Variants in TENM4 observed in about 807,000 individuals in gnomAD.
The protein encoded by TENM4 is teneurin transmembrane protein 4, also known as teneurin-4.
TENM4 carries 82 observed loss-of-function variants against 243.3 expected under a neutral mutation model. The ratio of observed to expected loss-of-function variants is 0.34; its 90% CI spans 0.28 to 0.40. TENM4 has a LOEUF of 0.40. Among genes scored for constraint, TENM4 ranks in the 10% least tolerant of loss-of-function variants. The probability of loss-of-function intolerance (pLI) is 1.00; values close to 1 mark genes in which losing one functional copy is unlikely to be tolerated. For synonymous variants in TENM4, 1,412 were observed against 1,456.3 expected, an observed-to-expected ratio of 0.97 and a Z score of 0.69; for missense variants, 3,138 against 3,673.3, an observed-to-expected ratio of 0.85 and a Z score of 3.77.
intron 1 of TENM4, among the ~76,000 whole-genome samples, chr11:79,383,098 G>A (rs779440504): frequency 1.3e-5 from 2 of 152,140 alleles, no homozygotes. Context: ...GTGCCCAGGA[G>A]GCTGGTCAAG....
chr11:79,374,084 A>G (rs1295650271), intron 1 of TENM4, among the ~76,000 whole-genome samples: 1 of 152,156 alleles, frequency 6.6e-6, no homozygotes, highest in East Asian at 1.9e-4. Flanking sequence ...AGAGGACATG[A>G]CAATTTTCAT....
At chr11:79,004,674 C>T (rs190238052) in intron 6 of TENM4, among the ~76,000 whole-genome samples, 141 of 152,122 alleles carry the variant, frequency 9.3e-4, no homozygotes, top group African/African-American at 3.2e-3. Flanking sequence ...AACAACCGAA[C>T]ATCACACCTA....
At chr11:78,905,861 A>G (rs1437252622) in intron 6 of TENM4, among the ~76,000 whole-genome samples, 2 of 152,258 alleles carry the variant, frequency 1.3e-5, no homozygotes, top group Non-Finnish European at 2.9e-5. Flanking sequence ...GAGAATGTGC[A>G]GGGTCATTTG....
intron 1 of TENM4, among the ~76,000 whole-genome samples, chr11:79,379,589 T>G (rs376133476): frequency 3.9e-5 from 6 of 152,316 alleles, no homozygotes; most frequent in African/African-American, 1.4e-4. Context: ...TACAAAGCAC[T>G]GAGCATCCAC....
chr11:79,155,207 C>CTG (rs1345455614), intron 3 of TENM4, among the ~76,000 whole-genome samples: 1 of 152,164 alleles, frequency 6.6e-6, no homozygotes, highest in Non-Finnish European at 1.5e-5. Flanking sequence ...TCCGGAGTAT[C>CTG]TGGGCCAATG....
intron 7 of TENM4, among the ~76,000 whole-genome samples, chr11:78,900,028 T>C (rs1402128040): frequency 6.6e-6 from 1 of 152,206 alleles, no homozygotes; most frequent in Non-Finnish European, 1.5e-5. Flanking sequence ...ATTATGTTAG[T>C]GAAGTCATCT....
intron 9 of TENM4, among the ~76,000 whole-genome samples, chr11:78,871,121 G>A (rs982253590): frequency 3.9e-5 from 6 of 152,146 alleles, no homozygotes; most frequent in Non-Finnish European, 5.9e-5. Context: ...AAGAGCAGTG[G>A]CTGTGAGCAC....
chr11:79,014,136 TA>T (rs1858715536), intron 6 of TENM4, among the ~76,000 whole-genome samples: 2 of 145,684 alleles, frequency 1.4e-5, no homozygotes, highest in African/African-American at 5.7e-5. Flanking sequence ...AAAGAATAGA[TA>T]ACAAAAGAAG....
chr11:79,178,780 C>G (rs78662597), intron 3 of TENM4, among the ~76,000 whole-genome samples: 2,926 of 152,308 alleles, frequency 0.019, 44 homozygotes, highest in Non-Finnish European at 0.032. Context: ...GTCACAGTAT[C>G]TGGCACACAG....
rs1175855249 is a variant in TENM4 at position 79,405,499 on chromosome 11, A to AT, written c.-321+35009dup. ...GAATGTAAAAAAAAAAAAAAAAGAC[A>AT]TTTTTTGAAAGACACATAATCACTT... On this transcript the variant is annotated intron_variant, in intron 1 of 33. Coordinates refer to ENST00000278550, the MANE Select transcript of TENM4 (RefSeq NM_001098816.3). Among the ~76,000 whole-genome samples, 3 of 151,532 alleles carry AT rather than the reference A, an allele frequency of 2.0e-5. No individual in the cohort carries two copies. In the South Asian group the frequency reaches 6.2e-4, roughly 32 times the overall value.
At chr11:79,007,400 C>T (rs1247300306) in intron 6 of TENM4, among the ~76,000 whole-genome samples, 1 of 152,094 alleles carries the variant, frequency 6.6e-6, no homozygotes, top group Non-Finnish European at 1.5e-5. Flanking sequence ...AGTGATTTCC[C>T]TTGGGTGACA....
chr11:79,300,791 G>A (rs1298083121), intron 1 of TENM4, among the ~76,000 whole-genome samples: 2 of 152,144 alleles, frequency 1.3e-5, no homozygotes, highest in Non-Finnish European at 2.9e-5. Flanking sequence ...ATCTCTTTCC[G>A]GTTGCTGCAT....
chr11:79,109,098 C>T (rs916036882), intron 4 of TENM4, among the ~76,000 whole-genome samples: 2 of 152,176 alleles, frequency 1.3e-5, no homozygotes, highest in African/African-American at 4.8e-5. Flanking sequence ...TGTCTGCCTA[C>T]AGAGGGATGT....
intron 1 of TENM4, among the ~76,000 whole-genome samples, chr11:79,331,036 G>T (rs1857053121): frequency 6.6e-6 from 1 of 152,206 alleles, no homozygotes; most frequent in Non-Finnish European, 1.5e-5. Flanking sequence ...CCAGGAAGGA[G>T]GGAAAGAGAG....
chr11:78,781,798 A>G (rs1421130288), intron 16 of TENM4, among the ~76,000 whole-genome samples: 1 of 152,188 alleles, frequency 6.6e-6, no homozygotes, highest in Non-Finnish European at 1.5e-5. Context: ...ACAAACCACC[A>G]AAGAGATGTT....
chr11:78,689,218 T>C (rs1405069177), intron 28 of TENM4, among the ~76,000 whole-genome samples: 2 of 152,232 alleles, frequency 1.3e-5, no homozygotes, highest in Non-Finnish European at 2.9e-5. Context: ...GCCACCTGCC[T>C]CTCTGTCTTC....
intron 6 of TENM4, among the ~76,000 whole-genome samples, chr11:78,949,547 T>C (rs1176579434): frequency 2.6e-5 from 4 of 152,230 alleles, no homozygotes; most frequent in Non-Finnish European, 5.9e-5. Flanking sequence ...AATAGGATCT[T>C]TATTCAGAAG....
intron 6 of TENM4, among the ~76,000 whole-genome samples, chr11:78,922,966 C>T (rs1280770242): frequency 2.0e-5 from 3 of 152,200 alleles, no homozygotes; most frequent in Non-Finnish European, 4.4e-5. Flanking sequence ...ATCAGCTCCA[C>T]CAAGCACTCC....
chr11:79,012,134 C>A (rs1001491620), intron 6 of TENM4, among the ~76,000 whole-genome samples: 1 of 152,116 alleles, frequency 6.6e-6, no homozygotes, highest in Non-Finnish European at 1.5e-5. Flanking sequence ...GCTCCTCTGT[C>A]CTGGGGGACG....
Sources: allele counts gnomAD v4.1 joint callset (sites outside exome capture counted in the v4.1 genomes callset), GRCh38; gene constraint gnomAD v4.1.1; transcripts MANE v1.5; gene names NCBI Gene and HGNC (gene_info 2026-07-23, HGNC 2026-07-21).